The following PTPRD variants were observed in gnomAD, a reference collection of about 807,000 sequenced individuals.
PTPRD encodes receptor-type tyrosine-protein phosphatase delta.
In PTPRD, 34 loss-of-function variants were observed where a neutral mutation model predicts 214.5. That is an observed-to-expected ratio of 0.16 (90% CI 0.12 to 0.21). The LOEUF is 0.21. Ranked by LOEUF, PTPRD falls within the 10% of genes least tolerant of loss-of-function variation. The pLI is 1.00. For missense variants in PTPRD, 2,545 were observed against 2,398.7 expected (o/e 1.06, Z -1.27); for synonymous variants, 1,128 against 845.7 (o/e 1.33, Z -5.79).
chr9:9,753,027 C>A (rs2098536605), intron 6 of PTPRD, among the ~76,000 whole-genome samples: 1 of 152,098 alleles, frequency 6.6e-6, no homozygotes, highest in South Asian at 2.1e-4. Context: ...GCCCCCTTTT[C>A]ACCTCTGGTG....
At chr9:8,521,959 C>G (rs947158533) in intron 19 of PTPRD, among the ~76,000 whole-genome samples, 5 of 152,164 alleles carry the variant, frequency 3.3e-5, no homozygotes, top group Non-Finnish European at 7.4e-5. Context: ...AGTTGAGTAT[C>G]AAAACCAACT....
At chr9:9,923,462 T>C (rs1364157832) in intron 5 of PTPRD, among the ~76,000 whole-genome samples, 1 of 146,976 alleles carries the variant, frequency 6.8e-6, no homozygotes, top group Non-Finnish European at 1.5e-5. Context: ...AATTAAACTA[T>C]AGAAGAAAAT....
At chr9:9,005,054 C>G (rs1486694902) in intron 11 of PTPRD, among the ~76,000 whole-genome samples, 1 of 152,018 alleles carries the variant, frequency 6.6e-6, no homozygotes, top group African/African-American at 2.4e-5. Context: ...TCTTTATGCC[C>G]TCTAGTGCAT....
intron 10 of PTPRD, among the ~76,000 whole-genome samples, chr9:9,137,754 G>C (rs1272446506): frequency 6.6e-6 from 1 of 152,076 alleles, no homozygotes; most frequent in African/African-American, 2.4e-5. Flanking sequence ...TCTGACAGTT[G>C]TATATTACAG....
At chr9:9,919,075 A>G (rs762635327) in intron 5 of PTPRD, among the ~76,000 whole-genome samples, 5 of 152,150 alleles carry the variant, frequency 3.3e-5, no homozygotes, top group Non-Finnish European at 7.4e-5. Flanking sequence ...AACAACTAAA[A>G]ATAGCTTTAA....
intron 5 of PTPRD, among the ~76,000 whole-genome samples, chr9:9,791,154 G>A (rs964010960): frequency 6.6e-6 from 1 of 151,924 alleles, no homozygotes; most frequent in Non-Finnish European, 1.5e-5. Context: ...TTGTTATGCT[G>A]CATATAGCCA....
chr9:8,435,089 A>G (rs2095287375), intron 35 of PTPRD, among the ~76,000 whole-genome samples: 1 of 152,226 alleles, frequency 6.6e-6, no homozygotes, highest in Non-Finnish European at 1.5e-5. Context: ...AATATGTGAC[A>G]AAGATGCTGC....
intron 2 of PTPRD, among the ~76,000 whole-genome samples, chr9:10,426,601 A>G (rs543853680): frequency 1.3e-5 from 2 of 152,224 alleles, no homozygotes; most frequent in African/African-American, 2.4e-5. Context: ...AGATAGCAGT[A>G]TAACTTCACA....
At chr9:8,995,528 T>C (rs2099393329) in intron 11 of PTPRD, among the ~76,000 whole-genome samples, 2 of 152,094 alleles carry the variant, frequency 1.3e-5, no homozygotes, top group Admixed American at 1.3e-4. Flanking sequence ...TGAAGGTGTA[T>C]GGGGCTCTTA....
chr9:10,452,677 C>T (rs1023223157), intron 2 of PTPRD, among the ~76,000 whole-genome samples: 4 of 151,504 alleles, frequency 2.6e-5, no homozygotes, highest in African/African-American at 7.3e-5. Flanking sequence ...TGTTTCATTT[C>T]GTTTTGTTAG....
At chr9:8,830,897 G>C (rs962078275) in intron 11 of PTPRD, among the ~76,000 whole-genome samples, 4 of 152,086 alleles carry the variant, frequency 2.6e-5, no homozygotes, top group African/African-American at 9.7e-5. Context: ...TTAATTATTA[G>C]TGAAACCATT....
intron 3 of PTPRD, among the ~76,000 whole-genome samples, chr9:10,039,203 A>G (rs2097251388): frequency 1.3e-5 from 2 of 152,078 alleles, no homozygotes; most frequent in African/African-American, 4.8e-5. Flanking sequence ...CATCTACAAA[A>G]ATTATGAAAT....
intron 9 of PTPRD, among the ~76,000 whole-genome samples, chr9:9,374,651 C>A (rs1246547096): frequency 6.6e-6 from 1 of 152,154 alleles, no homozygotes; most frequent in African/African-American, 2.4e-5. Context: ...TTAAAACCCT[C>A]AATACGTTGT....
At chr9:10,430,150 A>G (rs2098664003) in intron 2 of PTPRD, among the ~76,000 whole-genome samples, 1 of 151,998 alleles carries the variant, frequency 6.6e-6, no homozygotes. Flanking sequence ...GGAGATGATA[A>G]TGGATAAAAT....
intron 2 of PTPRD, among the ~76,000 whole-genome samples, chr9:10,597,651 T>C (rs1591707391): frequency 6.6e-6 from 1 of 151,806 alleles, no homozygotes; most frequent in Non-Finnish European, 1.5e-5. Context: ...ATAATGTAAA[T>C]GCAGTGGTAA....
chr9:8,947,388 G>A (rs1005751107), intron 11 of PTPRD, among the ~76,000 whole-genome samples: 11 of 150,582 alleles, frequency 7.3e-5, no homozygotes, highest in South Asian at 2.1e-4. Flanking sequence ...TTCTGAACCC[G>A]GGAGGCAGAG....
At chr9:10,056,278 G>T (rs961955828) in intron 3 of PTPRD, among the ~76,000 whole-genome samples, 1 of 150,280 alleles carries the variant, frequency 6.7e-6, no homozygotes, top group Admixed American at 6.6e-5. Flanking sequence ...CTGAGATCAC[G>T]CCACTGCATT....
chr9:8,770,782 T>C (rs1159849256), intron 11 of PTPRD, among the ~76,000 whole-genome samples: 1 of 151,732 alleles, frequency 6.6e-6, no homozygotes, highest in East Asian at 1.9e-4. Flanking sequence ...CGTCAAATAT[T>C]CAAACTCAAT....
At chr9:9,029,264 G>A (rs1337567668) in intron 10 of PTPRD, among the ~76,000 whole-genome samples, 1 of 151,852 alleles carries the variant, frequency 6.6e-6, no homozygotes, top group Non-Finnish European at 1.5e-5. Context: ...ATTGGACAGT[G>A]TCAAGCTATT....
Sources: allele counts gnomAD v4.1 joint callset (sites outside exome capture counted in the v4.1 genomes callset), GRCh38; gene constraint gnomAD v4.1.1; transcripts MANE v1.5; gene names NCBI Gene and HGNC (gene_info 2026-07-23, HGNC 2026-07-21).